Variants in CTNNA3 observed in about 807,000 individuals in gnomAD.
The protein encoded by CTNNA3 is catenin alpha-3.
Under a neutral mutation model 95.7 loss-of-function variants are expected in CTNNA3, and 76 were observed. The observed-to-expected ratio is 0.79, with a 90% CI of 0.66 to 0.96. The LOEUF is 0.96. Ranked by LOEUF, CTNNA3 falls within the 40% of genes least tolerant of loss-of-function variation. The probability of loss-of-function intolerance (pLI) is 0.00; values close to 1 mark genes in which losing one functional copy is unlikely to be tolerated. For synonymous variants in CTNNA3, 431 were observed against 374.4 expected (o/e 1.15, Z -1.74); for missense variants, 1,191 against 1,089.8 (o/e 1.09, Z -1.31).
At chr10:67,329,298 G>C (rs560388674) in intron 5 of CTNNA3, among the ~76,000 whole-genome samples, 1 of 152,332 alleles carries the variant, frequency 6.6e-6, no homozygotes, top group African/African-American at 2.4e-5. Flanking sequence ...TTCAACCCAG[G>C]AGGTCAAGGC....
At chr10:67,311,096 T>C (rs1040884461) in intron 5 of CTNNA3, among the ~76,000 whole-genome samples, 2 of 152,192 alleles carry the variant, frequency 1.3e-5, no homozygotes, top group East Asian at 3.9e-4. Context: ...CTGTACCTTC[T>C]GCGCCTTAAA....
chr10:66,270,994 G>T (rs1318747447), intron 13 of CTNNA3, among the ~76,000 whole-genome samples: 1 of 152,160 alleles, frequency 6.6e-6, no homozygotes, highest in Non-Finnish European at 1.5e-5. Flanking sequence ...GGAAGTCTAT[G>T]GAGTCTAAAG....
At chr10:67,492,685 A>G (rs1470662175) in intron 5 of CTNNA3, among the ~76,000 whole-genome samples, 2 of 152,222 alleles carry the variant, frequency 1.3e-5, no homozygotes, top group Non-Finnish European at 2.9e-5. Flanking sequence ...CTGAACCCTG[A>G]ATGATAAGAA....
chr10:67,346,060 A>C (rs563450190), intron 5 of CTNNA3, among the ~76,000 whole-genome samples: 2 of 152,256 alleles, frequency 1.3e-5, no homozygotes, highest in African/African-American at 4.8e-5. Flanking sequence ...CTATTATTTT[A>C]GCCTGATAAC....
chr10:66,595,396 T>A (rs994453523), intron 10 of CTNNA3, among the ~76,000 whole-genome samples: 2 of 151,964 alleles, frequency 1.3e-5, no homozygotes, highest in African/African-American at 2.4e-5. Flanking sequence ...CAGGCTGGAG[T>A]GCAGTGGCGC....
intron 9 of CTNNA3, among the ~76,000 whole-genome samples, chr10:66,653,969 T>C (rs1032973647): frequency 3.3e-5 from 5 of 152,088 alleles, no homozygotes; most frequent in Middle Eastern, 3.4e-3. Context: ...GGATTAAAGA[T>C]GTAAATCAAG....
At chr10:66,385,989 T>C (rs924160410) in intron 11 of CTNNA3, among the ~76,000 whole-genome samples, 1 of 152,124 alleles carries the variant, frequency 6.6e-6, no homozygotes. Flanking sequence ...CCCAATATCA[T>C]ACTGAATGGG....
intron 5 of CTNNA3, among the ~76,000 whole-genome samples, chr10:67,257,657 T>C (rs764283986): frequency 4.6e-5 from 7 of 152,192 alleles, no homozygotes; most frequent in Non-Finnish European, 8.8e-5. Context: ...TGGACTAGTG[T>C]TTCGTGCATG....
At chr10:66,893,865 G>GA (rs1845370186) in intron 7 of CTNNA3, among the ~76,000 whole-genome samples, 1 of 152,134 alleles carries the variant, frequency 6.6e-6, no homozygotes, top group Admixed American at 6.5e-5. Flanking sequence ...GAGGTCAGCA[G>GA]AAAAAGTTTA....
intron 5 of CTNNA3, among the ~76,000 whole-genome samples, chr10:67,235,609 G>A (rs912253251): frequency 1.4e-5 from 2 of 142,426 alleles, no homozygotes; most frequent in Non-Finnish European, 3.0e-5. Flanking sequence ...CATGGGCAAG[G>A]ACTTCATGTT....
At chr10:66,428,089 C>T (rs1367319670) in intron 11 of CTNNA3, among the ~76,000 whole-genome samples, 1 of 151,990 alleles carries the variant, frequency 6.6e-6, no homozygotes, top group Non-Finnish European at 1.5e-5. Flanking sequence ...CAAAAAAAGG[C>T]AGGGGTTGCA....
chr10:66,446,216 T>C (rs1354754808), intron 11 of CTNNA3, among the ~76,000 whole-genome samples: 8 of 152,204 alleles, frequency 5.3e-5, no homozygotes, highest in Admixed American at 6.5e-5. Flanking sequence ...CAGGACCAGA[T>C]GGATTCACAG....
intron 17 of CTNNA3, among the ~76,000 whole-genome samples, chr10:65,938,309 T>C (rs959161612): frequency 6.6e-6 from 1 of 152,304 alleles, no homozygotes; most frequent in African/African-American, 2.4e-5. Context: ...AGCTACAGGA[T>C]TGTCTGAATT....
chr10:65,984,649 A>C (rs1038345612), intron 16 of CTNNA3, among the ~76,000 whole-genome samples: 1 of 151,476 alleles, frequency 6.6e-6, no homozygotes, highest in South Asian at 2.1e-4. Flanking sequence ...ACCTACTTCA[A>C]GGCAACCTGA....
At chr10:67,182,692 T>A (rs1285938366) in intron 6 of CTNNA3, among the ~76,000 whole-genome samples, 1 of 151,958 alleles carries the variant, frequency 6.6e-6, no homozygotes, top group South Asian at 2.1e-4. Flanking sequence ...ACAAATGGGA[T>A]CTAATTAAAC....
At chr10:66,580,864 G>A (rs771149199) in intron 10 of CTNNA3, among the ~76,000 whole-genome samples, 14 of 151,620 alleles carry the variant, frequency 9.2e-5, no homozygotes, top group Admixed American at 6.6e-5. Context: ...TCTGAATAGT[G>A]CATATTGTAC....
rs2076988524 is a variant in CTNNA3 at position 65,915,004 on chromosome 10, G to A, written c.*5326C>T. Reference sequence around the variant, plus strand: ...ATATATCCTATAGGGTTATTTGGAGGATTGAATAAGATAATAGTTAGCATT... The same window carrying A: ...ATATATCCTATAGGGTTATTTGGAGAATTGAATAAGATAATAGTTAGCATT... On this transcript the variant is annotated 3_prime_UTR_variant, in exon 18 of 18. Transcript: ENST00000433211. 6.6e-6 allele frequency: 1 copy of A among 152,058 alleles called. No individual in the cohort carries two copies. The highest frequency in any genetic ancestry group is 2.4e-5 in the African/African-American group (1 of 41,400). The allele number at this position is 152,058 out of a possible 1,614,324, so 9.4% of individuals were successfully genotyped here. A position where few individuals can be genotyped will look rare whatever the true frequency, so the allele number is the denominator to read the frequency against.
rs547507517 is a variant in CTNNA3, at chr10:67,072,296, T to A, written c.1047+108021A>T. On this transcript the variant is annotated intron_variant, in intron 7 of 17. Coordinates refer to ENST00000433211, the MANE Select transcript of CTNNA3 (RefSeq NM_013266.4). ...TGTGTCCCACTTCTCCAATCGAATT[T>A]TCTTTTCCTTCACTTTTTTTAGTCC... Among the ~76,000 whole-genome samples, 5 of 152,324 alleles carry A rather than the reference T, an allele frequency of 3.3e-5. No individual in the cohort carries two copies. The South Asian group carries it at 6.2e-4, about 19-fold the overall frequency.
At chr10:66,011,196 C>A (rs2133392561) in intron 15 of CTNNA3, among the ~76,000 whole-genome samples, 1 of 152,278 alleles carries the variant, frequency 6.6e-6, no homozygotes, top group East Asian at 1.9e-4. Flanking sequence ...CCCTCCAATG[C>A]AATTATTTCT....
Sources: allele counts gnomAD v4.1 joint callset (sites outside exome capture counted in the v4.1 genomes callset), GRCh38; gene constraint gnomAD v4.1.1; transcripts MANE v1.5; gene names NCBI Gene and HGNC (gene_info 2026-07-23, HGNC 2026-07-21).